JAK2: variants seen among roughly 807,000 people sequenced by gnomAD.
The protein encoded by JAK2 is tyrosine-protein kinase JAK2.
Under a neutral mutation model 139.3 loss-of-function variants are expected in JAK2, and 86 were observed. The ratio of observed to expected loss-of-function variants is 0.62; its 90% CI spans 0.52 to 0.74. The LOEUF (loss-of-function observed/expected upper bound fraction) is 0.74, where lower values mean the gene tolerates loss of function less well. Ranked by LOEUF, JAK2 falls within the 30% of genes least tolerant of loss-of-function variation. The probability of loss-of-function intolerance (pLI) is 0.00; values close to 1 mark genes in which losing one functional copy is unlikely to be tolerated. For synonymous variants in JAK2, 490 were observed against 437.7 expected (o/e 1.12, Z -1.49); for missense variants, 1,421 against 1,360.3 (o/e 1.04, Z -0.70).
chr9:5,097,714 G>C (rs1202609864), intron 22 of JAK2: 1 of 152,086 alleles, frequency 6.6e-6, no homozygotes, highest in East Asian at 1.9e-4. Context: ...CACAGTAGGA[G>C]GTCTAATTGG....
At chr9:5,100,000 C>A (rs894854774) in intron 22 of JAK2, 2 of 152,194 alleles carry the variant, frequency 1.3e-5, no homozygotes, top group Non-Finnish European at 2.9e-5. Context: ...AACCATTAGC[C>A]TATTTATTCA....
chr9:4,990,952 T>A lies in JAK2; in HGVS notation c.-26+4930T>A, dbSNP rs149646873. Among the ~76,000 whole-genome samples, 19 of 152,284 alleles carry A rather than the reference T, an allele frequency of 1.2e-4. No homozygotes were observed. In the East Asian group the frequency reaches 3.7e-3, roughly 29 times the overall value. ...ACCTAGGAGATATTTTTCAACAGAT[T>A]GTCATTCGTCTGTATCGTCTTATAT... On this transcript the variant is annotated intron_variant, in intron 2 of 24. Transcript: ENST00000381652.
At chr9:5,021,274 A>G (rs369515992) in intron 2 of JAK2, among the ~76,000 whole-genome samples, 1 of 152,148 alleles carries the variant, frequency 6.6e-6, no homozygotes, top group East Asian at 1.9e-4. Context: ...TCTACTCGCT[A>G]TTTTGGTTCT....
chr9:5,102,967 T>C (rs938091156), intron 22 of JAK2, among the ~76,000 whole-genome samples: 11 of 151,898 alleles, frequency 7.2e-5, no homozygotes, highest in African/African-American at 2.2e-4. Context: ...CCATCGATGA[T>C]AGGAAGAAAC....
rs1057515592 is a variant in JAK2, at chr9:5,069,165, T to C, written c.1470T>C (p.Asn490=). ...AGATGGAAACTGTTCGCTCAGACAA[T>C]ATAATTTTCCAGTTTACTAAATGCT... ...CYQMETVRSD[N]IIFQFTKCCP... Residue 490 remains asparagine, a synonymous_variant, in exon 11 of 25, where the codon AAT becomes AAC. Transcript: ENST00000381652. 1 of 1,610,932 alleles carries C rather than the reference T, an allele frequency of 6.2e-7. No homozygotes were observed. The highest frequency in any genetic ancestry group is 8.5e-7 in the Non-Finnish European group (1 of 1,179,012).
intron 2 of JAK2, among the ~76,000 whole-genome samples, chr9:4,986,280 G>T (rs1470616646): frequency 3.3e-5 from 5 of 152,156 alleles, no homozygotes; most frequent in Non-Finnish European, 7.4e-5. Context: ...AACGAAAAAC[G>T]TTGTCCATTA....
At chr9:5,014,185 G>A (rs1403637755) in intron 2 of JAK2, among the ~76,000 whole-genome samples, 5 of 97,566 alleles carry the variant, frequency 5.1e-5, no homozygotes, top group South Asian at 3.1e-4. Context: ...TTTTTTTTTC[G>A]TAGAGACAGG....
At position 5,081,737 on chromosome 9, in the gene JAK2, T is replaced by C; in HGVS notation, c.2447T>C (p.Leu816Ser). 1 of 1,595,054 alleles carries C rather than the reference T, an allele frequency of 6.3e-7. No individual in the cohort carries two copies. Among genetic ancestry groups the C allele is most frequent in the East Asian group, 2.2e-5 (1 of 44,774 alleles). ...TTTATTTCTCCAGATTATGAACTAT[T>C]AACAGAAAATGACATGTTACCAAAT... ...NSLFTPDYEL[L>S]TENDMLPNMR... Residue 816 changes from leucine to serine, a missense_variant, in exon 19 of 25, where the codon TTA becomes TCA. Coordinates refer to ENST00000381652, the MANE Select transcript of JAK2 (RefSeq NM_004972.4).
chr9:4,991,451 G>A (rs1820239765), intron 2 of JAK2, among the ~76,000 whole-genome samples: 1 of 152,162 alleles, frequency 6.6e-6, no homozygotes, highest in African/African-American at 2.4e-5. Context: ...AAAGGGCCAT[G>A]TGATGTGAGT....
intron 22 of JAK2, among the ~76,000 whole-genome samples, chr9:5,120,739 T>A (rs1301461982): frequency 6.6e-6 from 1 of 152,168 alleles, no homozygotes; most frequent in Non-Finnish European, 1.5e-5. Context: ...GGAGACTGAT[T>A]GGAGATATTT....
intron 4 of JAK2, among the ~76,000 whole-genome samples, chr9:5,042,148 T>TG (rs1445457652): frequency 8.2e-6 from 1 of 122,454 alleles, no homozygotes; most frequent in Non-Finnish European, 1.7e-5. Flanking sequence ...TTTTTTTTTT[T>TG]GAGACGGAGT....
intron 13 of JAK2, among the ~76,000 whole-genome samples, chr9:5,073,106 C>G (rs763641382): frequency 1.3e-5 from 2 of 152,170 alleles, no homozygotes; most frequent in African/African-American, 4.8e-5. Context: ...ATGATACTTA[C>G]AATATCTTAA....
At position 5,030,160 on chromosome 9, in the gene JAK2, A is replaced by G. The variant is rs868488092; in HGVS notation, c.350+254A>G. Among the ~76,000 whole-genome samples, 5 of 152,162 alleles carry G rather than the reference A, an allele frequency of 3.3e-5. 1 individual carries two copies. Among genetic ancestry groups the G allele is most frequent in the South Asian group, 2.1e-4 (1 of 4,834 alleles). On this transcript the variant is annotated intron_variant, in intron 4 of 24. Transcript: ENST00000381652. ...CTTAACTCCTTATGATTATAATTAA[A>G]TAAGTAAACAAAATCACAGTGGCCT... is the stretch of plus-strand genomic sequence containing the variant.
At chr9:5,017,095 G>T (rs1822117927) in intron 2 of JAK2, among the ~76,000 whole-genome samples, 1 of 152,210 alleles carries the variant, frequency 6.6e-6, no homozygotes, top group Admixed American at 6.5e-5. Flanking sequence ...ACATGTAGGA[G>T]TGATAGCAGA....
In JAK2 at chr9:5,080,316, G is replaced by A. The variant is rs368219482; in HGVS notation, c.2219G>A (p.Gly740Asp). ...LNLATDKWSF[G>D]TTLWEICSGG... ...TTGGCAACAGACAAATGGAGTTTTG[G>A]TACCACTTTGTGGGAAATCTGCAGT... The change falls in exon 17 of 25, where the codon GGT (glycine) becomes GAT (aspartate). Residue 740 changes from glycine (G) to aspartate (D), a missense_variant. Transcript: ENST00000381652. 1.2e-6 allele frequency: 2 copies of A among 1,613,500 alleles called. No homozygotes were observed. Among genetic ancestry groups the A allele is most frequent in the Non-Finnish European group, 1.7e-6 (2 of 1,179,668 alleles).
intron 10 of JAK2, among the ~76,000 whole-genome samples, chr9:5,068,366 G>T (rs1180146571): frequency 1.3e-5 from 2 of 152,136 alleles, no homozygotes; most frequent in East Asian, 3.8e-4. Context: ...TATTAAAAAT[G>T]TAATATTAAA....
At chr9:5,041,224 C>A in intron 4 of JAK2, 1 of 1,470,288 alleles carries the variant, frequency 6.8e-7, no homozygotes, top group Non-Finnish European at 9.4e-7. Context: ...TGGTGGGGCG[C>A]CCGGGGACCA....
intron 19 of JAK2, among the ~76,000 whole-genome samples, chr9:5,089,099 C>T (rs1167373854): frequency 1.3e-5 from 2 of 152,226 alleles, no homozygotes; most frequent in Non-Finnish European, 2.9e-5. Context: ...ACAATTAATG[C>T]TCATCATTTA....
Position 5,054,943 on chromosome 9 carries a change from C to A in JAK2, c.936+59C>A. The stretch of plus-strand genomic sequence containing the variant: ...ATTTTAAGTACAATGGAAATAAAAA[C>A]AAAGTAATTTTAATCATTTGCAACA... On this transcript the variant is annotated intron_variant, in intron 7 of 24. Coordinates refer to ENST00000381652, the MANE Select transcript of JAK2 (RefSeq NM_004972.4). This position sits in a 1 kb window ranked among gnomAD's most constrained non-coding sequence, Gnocchi z 4.9. 1 of 1,288,186 alleles carries A rather than the reference C, an allele frequency of 7.8e-7. No homozygotes were observed. The highest frequency in any genetic ancestry group is 1.1e-6 in the Non-Finnish European group (1 of 935,426). The allele number at this position is 1,288,186 out of a possible 1,614,324, so 79.8% of individuals were successfully genotyped here. A position where few individuals can be genotyped will look rare whatever the true frequency, so the allele number is the denominator to read the frequency against.
Sources: allele counts gnomAD v4.1 joint callset (sites outside exome capture counted in the v4.1 genomes callset), GRCh38; gene constraint gnomAD v4.1.1; non-coding constraint Gnocchi (gnomAD v3.1); transcripts MANE v1.5; gene names NCBI Gene and HGNC (gene_info 2026-07-23, HGNC 2026-07-21).